Variants in ZNF469 observed in about 807,000 individuals in gnomAD.
ZNF469 encodes zinc finger protein 469.
In ZNF469, 1 loss-of-function variant was observed where a neutral mutation model predicts 1.0. The observed-to-expected ratio is 1.00, with a 90% CI of 0.35 to 4.73. The LOEUF (loss-of-function observed/expected upper bound fraction) is 4.73. Among genes scored for constraint, ZNF469 ranks in the 30% most tolerant of loss-of-function variants. The pLI, the probability that ZNF469 is intolerant of heterozygous loss-of-function variation, is 0.16. For synonymous variants in ZNF469, 2,703 were observed against 2,363.4 expected, an observed-to-expected ratio of 1.14 and a Z score of -4.17; for missense variants, 6,100 against 5,356.3, an observed-to-expected ratio of 1.14 and a Z score of -4.33.
At chr16:88,159,137 C>T in the ZNF469 span, among the ~76,000 whole-genome samples, 1 of 14,232 alleles carries the variant, frequency 7.0e-5, no homozygotes, top group African/African-American at 1.1e-4. Context: ...TTCTCACCGT[C>T]CTGGTCACGG....
At chr16:88,151,965 G>A in the ZNF469 span, among the ~76,000 whole-genome samples, 7 of 152,310 alleles carry the variant, frequency 4.6e-5, no homozygotes, top group East Asian at 5.8e-4. This position sits in a 1 kb window ranked among gnomAD's most constrained non-coding sequence, Gnocchi z 5.4. Flanking sequence ...ATGTTTCTGC[G>A]GAGGAGCTGA....
At chr16:88,292,326 CCAAGGCCA>C in the ZNF469 span, among the ~76,000 whole-genome samples, 2 of 152,272 alleles carry the variant, frequency 1.3e-5, no homozygotes, top group Admixed American at 1.3e-4. Flanking sequence ...CCCAGGTGAG[CCAAGGCCA>C]CAGGAGCCGG....
chr16:88,143,312 G>A, the ZNF469 span, among the ~76,000 whole-genome samples: 30 of 152,354 alleles, frequency 2.0e-4, no homozygotes, highest in East Asian at 3.9e-3. Flanking sequence ...CGTGCTTAAC[G>A]CACTCAGGGC....
chr16:88,396,756 A>AGGAGACCCTCATAAAGGGAGGCCG (rs1904683227), intron 1 of ZNF469, among the ~76,000 whole-genome samples: 1 of 127,092 alleles, frequency 7.9e-6, no homozygotes, highest in Non-Finnish European at 1.7e-5. Flanking sequence ...AAGGGAGGCC[A>AGGAGACCCTCATAAAGGGAGGCCG]GGAGGAGACC....
At chr16:88,315,896 C>G in the ZNF469 span, among the ~76,000 whole-genome samples, 1 of 152,204 alleles carries the variant, frequency 6.6e-6, no homozygotes, top group East Asian at 1.9e-4. Flanking sequence ...CACACAGGGC[C>G]TCGCCCGCCC....
At chr16:88,393,401 T>C (rs1384755287) in intron 1 of ZNF469, among the ~76,000 whole-genome samples, 1 of 152,206 alleles carries the variant, frequency 6.6e-6, no homozygotes, top group African/African-American at 2.4e-5. Context: ...GCAGCCTGCT[T>C]TGCTTGGATG....
the ZNF469 span, among the ~76,000 whole-genome samples, chr16:88,179,554 A>T: frequency 3.9e-5 from 6 of 152,158 alleles, no homozygotes; most frequent in African/African-American, 1.2e-4. Flanking sequence ...TAGCCACACA[A>T]ATGTTCACCT....
the ZNF469 span, among the ~76,000 whole-genome samples, chr16:88,171,666 C>T: frequency 6.6e-6 from 1 of 152,116 alleles, no homozygotes; most frequent in Non-Finnish European, 1.5e-5. Context: ...TAAATACGGA[C>T]ATTGTAGAGA....
At chr16:88,300,630 G>A in the ZNF469 span, among the ~76,000 whole-genome samples, 1 of 152,090 alleles carries the variant, frequency 6.6e-6, no homozygotes, top group Admixed American at 6.5e-5. Context: ...CTTGCATAGA[G>A]CACGTGATTC....
At chr16:88,373,659 C>T in the ZNF469 span, among the ~76,000 whole-genome samples, 2 of 152,198 alleles carry the variant, frequency 1.3e-5, no homozygotes, top group South Asian at 2.1e-4. Context: ...GGGTTAAGCA[C>T]AGAGGGCTAC....
chr16:88,379,685 C>G (rs2092516257), upstream of ZNF469, among the ~76,000 whole-genome samples: 1 of 152,160 alleles, frequency 6.6e-6, no homozygotes, highest in Non-Finnish European at 1.5e-5. Context: ...AGAGGTAGCT[C>G]CCAGTTGTAA....
chr16:88,247,494 C>CAGTGAGTGAGTGAATG, the ZNF469 span, among the ~76,000 whole-genome samples: 18 of 85,814 alleles, frequency 2.1e-4, no homozygotes, highest in East Asian at 2.9e-3. Flanking sequence ...GTGAATGAAT[C>CAGTGAGTGAGTGAATG]AGTGAGTGAG....
Position 88,432,852 on chromosome 16 carries a change from A to G in ZNF469, c.5382A>G (p.Glu1794=). 6.5e-7 allele frequency: 1 copy of G among 1,550,330 alleles called. No individual in the cohort carries two copies. The highest frequency in any genetic ancestry group is 2.0e-5 in the Admixed American group (1 of 51,002). ...CCCACCGAGGGGCCCCTGCTCCAGAAGCTTTTGGCAGCCCTGCTGTCCATC... is the reference window on the plus strand; with the variant it reads ...CCCACCGAGGGGCCCCTGCTCCAGAGGCTTTTGGCAGCCCTGCTGTCCATC... ...DQPHRGAPAP[E]AFGSPAVHLA... The change falls in exon 3 of 3, where the codon GAA becomes GAG. Residue 1794 remains glutamate, a synonymous_variant. Coordinates refer to ENST00000565624, the MANE Select transcript of ZNF469 (RefSeq NM_001367624.2).
At chr16:88,283,899 AGGCTGGTAGACCCCCAGTGTGCCCGAG>A in the ZNF469 span, among the ~76,000 whole-genome samples, 1 of 126,826 alleles carries the variant, frequency 7.9e-6, no homozygotes, top group African/African-American at 3.4e-5. Context: ...AGGTCTGTGG[AGGCTGGTAGACCCCCAGTGTGCCCGAG>A]GTCTGCGGAG....
chr16:88,119,201 T>C, the ZNF469 span, among the ~76,000 whole-genome samples: 1 of 152,240 alleles, frequency 6.6e-6, no homozygotes, highest in Non-Finnish European at 1.5e-5. Context: ...CAAGCTTCTT[T>C]GTATCAGCCG....
At chr16:88,246,745 GTGAGTGAGTGAA>G in the ZNF469 span, among the ~76,000 whole-genome samples, 5 of 152,224 alleles carry the variant, frequency 3.3e-5, no homozygotes, top group African/African-American at 9.6e-5. Flanking sequence ...GTGACTGTGA[GTGAGTGAGTGAA>G]TGAGTGAGTG....
the ZNF469 span, among the ~76,000 whole-genome samples, chr16:88,263,212 C>T: frequency 2.0e-5 from 3 of 152,206 alleles, no homozygotes; most frequent in Admixed American, 6.5e-5. Context: ...GTCTCCACGG[C>T]GTCCAGCGAA....
At chr16:88,227,249 T>C in the ZNF469 span, among the ~76,000 whole-genome samples, 2 of 152,158 alleles carry the variant, frequency 1.3e-5, no homozygotes, top group African/African-American at 4.8e-5. Context: ...CTAGTCTTGT[T>C]CCCACTGTCT....
chr16:88,273,558 T>C, the ZNF469 span, among the ~76,000 whole-genome samples: 1 of 152,172 alleles, frequency 6.6e-6, no homozygotes, highest in Non-Finnish European at 1.5e-5. Context: ...TTGGTGGGAA[T>C]GTAAATGGCA....
Sources: gnomAD v4.1 joint callset for allele counts (sites outside exome capture counted in the v4.1 genomes callset) on GRCh38, gnomAD v4.1.1 for gene constraint, Gnocchi (gnomAD v3.1) non-coding constraint, MANE v1.5 for transcripts, NCBI Gene and HGNC (gene_info 2026-07-23, HGNC 2026-07-21) for gene names.